Variants in ZNF827 observed in about 807,000 individuals in gnomAD.
The protein encoded by ZNF827 is zinc finger protein 827.
Under a neutral mutation model 102.4 loss-of-function variants are expected in ZNF827, and 13 were observed. That is an observed-to-expected ratio of 0.13 (90% CI 0.08 to 0.20). The LOEUF is 0.20. Ranked by LOEUF, ZNF827 falls within the 10% of genes least tolerant of loss-of-function variation. The pLI is 1.00. For synonymous variants in ZNF827, 523 were observed against 536.2 expected, an observed-to-expected ratio of 0.98 and a Z score of 0.34; for missense variants, 1,103 against 1,344.4, an observed-to-expected ratio of 0.82 and a Z score of 2.81.
intron 13 of ZNF827, 48 bp downstream of exon 13, chr4:145,764,940 G>C (rs1287574988): frequency 6.2e-7 from 1 of 1,607,882 alleles, no homozygotes; most frequent in Non-Finnish European, 8.5e-7. Context: ...AAGGGGAAAG[G>C]GTATTTAATA....
In ZNF827 at chr4:145,763,185, G is replaced by A. The variant is rs1159597870; in HGVS notation, c.3231-63C>T. 1 of 1,486,396 alleles carries A rather than the reference G, an allele frequency of 6.7e-7. No homozygotes were observed. Among genetic ancestry groups the A allele is most frequent in the African/African-American group, 1.4e-5 (1 of 71,564 alleles). The allele number at this position is 1,486,396 out of a possible 1,614,324, so 92.1% of individuals were successfully genotyped here. A position where few individuals can be genotyped will look rare whatever the true frequency, so the allele number is the denominator to read the frequency against. On this transcript the variant is annotated intron_variant, in intron 13 of 14. Coordinates refer to ENST00000508784, the MANE Select transcript of ZNF827 (RefSeq NM_001306215.2). The surrounding 1 kb of genome is among the most constrained non-coding windows in gnomAD (Gnocchi z 4.6). ...ATCTGCATTATGAACAGGATATAGA[G>A]TACAAGCAGTTCCATCACAGAAAAG...
intron 7 of ZNF827, among the ~76,000 whole-genome samples, chr4:145,827,817 A>G (rs923034022): frequency 6.6e-6 from 1 of 152,226 alleles, no homozygotes; most frequent in Non-Finnish European, 1.5e-5. Flanking sequence ...AACTAAGAAA[A>G]CAGAAGACAC....
intron 8 of ZNF827, among the ~76,000 whole-genome samples, chr4:145,796,623 C>CTTTTTTTTTT (rs34553120): frequency 8.8e-6 from 1 of 113,928 alleles, no homozygotes; most frequent in Non-Finnish European, 1.8e-5. Context: ...ATTTGTTCCT[C>CTTTTTTTTTT]TTTTTTTTTT....
intron 8 of ZNF827, among the ~76,000 whole-genome samples, chr4:145,809,414 T>C (rs1354486338): frequency 6.6e-6 from 1 of 152,180 alleles, no homozygotes; most frequent in East Asian, 1.9e-4. Flanking sequence ...GAATTTAGTT[T>C]ATAATTTAAC....
chr4:145,882,362 G>T (rs1014350409), intron 4 of ZNF827, among the ~76,000 whole-genome samples: 2 of 152,186 alleles, frequency 1.3e-5, no homozygotes, highest in African/African-American at 4.8e-5. Flanking sequence ...TGAATCAACT[G>T]CGATGCCGGG....
chr4:145,805,125 TTGTGTGTGTGTG>T (rs35536912), intron 8 of ZNF827, among the ~76,000 whole-genome samples: 22 of 148,376 alleles, frequency 1.5e-4, no homozygotes, highest in Admixed American at 5.4e-4. Context: ...GCAATTCCTT[TTGTGTGTGTGTG>T]TGTGTGTGTG....
rs140258436 is a variant in ZNF827, at chr4:145,919,364, T to G, written c.44-16149A>C. Among the ~76,000 whole-genome samples, 403 of 152,346 alleles carry G rather than the reference T, an allele frequency of 2.6e-3. 4 individuals are homozygous for G. Among genetic ancestry groups the G allele is most frequent in the African/African-American group, 9.4e-3 (389 of 41,568 alleles). ...CGTACTTGTTCAGATTTGTGGAAATTCACTGGACAGCCAAATCAAGAGAGT... is the reference window on the plus strand; with the variant it reads ...CGTACTTGTTCAGATTTGTGGAAATGCACTGGACAGCCAAATCAAGAGAGT... On this transcript the variant is annotated intron_variant, in intron 1 of 14. Coordinates refer to ENST00000508784, the MANE Select transcript of ZNF827 (RefSeq NM_001306215.2).
intron 9 of ZNF827, among the ~76,000 whole-genome samples, chr4:145,777,414 T>C (rs1293977154): frequency 6.6e-6 from 1 of 152,236 alleles, no homozygotes; most frequent in Non-Finnish European, 1.5e-5. Flanking sequence ...AGCGAAAATT[T>C]CTGGACCTGA....
In ZNF827 at chr4:145,765,438, C is replaced by A. The variant is rs4348116; in HGVS notation, c.3052+109G>T. On this transcript the variant is annotated intron_variant, in intron 12 of 14. Coordinates refer to ENST00000508784, the MANE Select transcript of ZNF827 (RefSeq NM_001306215.2). This position sits in a 1 kb window ranked among gnomAD's most constrained non-coding sequence, Gnocchi z 4.7. Reference sequence around the variant, plus strand: ...TAGGTGAGGCCCAGCATACTGCATCCTGGGCCTATTATCAGTTTTTGACAT... The same window carrying A: ...TAGGTGAGGCCCAGCATACTGCATCATGGGCCTATTATCAGTTTTTGACAT... 1 of 1,331,630 alleles carries A rather than the reference C, an allele frequency of 7.5e-7. No individual in the cohort carries two copies. The allele number at this position is 1,331,630 out of a possible 1,614,324, so 82.5% of individuals were successfully genotyped here.
intron 11 of ZNF827, among the ~76,000 whole-genome samples, chr4:145,771,352 T>C: frequency 6.6e-6 from 1 of 152,252 alleles, no homozygotes; most frequent in Non-Finnish European, 1.5e-5. Flanking sequence ...ATAAATATTC[T>C]ATTTTCTTCA....
At chr4:145,771,553 A>G (rs1736284605) in intron 11 of ZNF827, among the ~76,000 whole-genome samples, 1 of 152,238 alleles carries the variant, frequency 6.6e-6, no homozygotes, top group African/African-American at 2.4e-5. Context: ...ACCAAAGGGG[A>G]TATTTTCCCC....
chr4:145,918,751 C>T (rs2126955160), intron 1 of ZNF827, among the ~76,000 whole-genome samples: 1 of 152,254 alleles, frequency 6.6e-6, no homozygotes, highest in Admixed American at 6.5e-5. Flanking sequence ...CCTGCACAGC[C>T]CTGCTTTGTC....
chr4:145,917,541 C>CAAGAGAGT (rs1752744583), intron 1 of ZNF827, among the ~76,000 whole-genome samples: 1 of 151,956 alleles, frequency 6.6e-6, no homozygotes, highest in Non-Finnish European at 1.5e-5. Flanking sequence ...AAGGCCCCAT[C>CAAGAGAGT]TCTCAACACT....
chr4:145,798,534 C>T (rs578052610), intron 8 of ZNF827, among the ~76,000 whole-genome samples: 1 of 152,154 alleles, frequency 6.6e-6, no homozygotes, highest in South Asian at 2.1e-4. Context: ...GGTGTGGTGG[C>T]GTGTACCTGT....
chr4:145,845,088 T>C (rs1328501492), intron 7 of ZNF827, among the ~76,000 whole-genome samples: 1 of 152,224 alleles, frequency 6.6e-6, no homozygotes. Context: ...TTGCTCTTGA[T>C]CATCCTGTAA....
chr4:145,878,435 TG>T (rs1561031034), intron 4 of ZNF827, among the ~76,000 whole-genome samples: 1 of 151,964 alleles, frequency 6.6e-6, no homozygotes, highest in Non-Finnish European at 1.5e-5. Flanking sequence ...GGGCTGAGCA[TG>T]GTGGCCTGTG....
At chr4:145,923,178 A>C (rs1470199924) in intron 1 of ZNF827, among the ~76,000 whole-genome samples, 2 of 152,216 alleles carry the variant, frequency 1.3e-5, no homozygotes, top group Non-Finnish European at 2.9e-5. Context: ...AATCATTGCA[A>C]CTAATCTTTA....
At chr4:145,907,987 T>C (rs1175413529) in intron 1 of ZNF827, among the ~76,000 whole-genome samples, 2 of 152,162 alleles carry the variant, frequency 1.3e-5, no homozygotes, top group African/African-American at 4.8e-5. Flanking sequence ...TATAATTCAG[T>C]TCTCAAGCAG....
chr4:145,929,684 C>T (rs973187184), intron 1 of ZNF827, among the ~76,000 whole-genome samples: 7 of 152,008 alleles, frequency 4.6e-5, no homozygotes, highest in Non-Finnish European at 2.9e-5. Flanking sequence ...CCAAAAAGTT[C>T]CAGGTCAGAA....
Sources: allele counts gnomAD v4.1 joint callset (sites outside exome capture counted in the v4.1 genomes callset), GRCh38; gene constraint gnomAD v4.1.1; non-coding constraint Gnocchi (gnomAD v3.1); transcripts MANE v1.5; gene names NCBI Gene and HGNC (gene_info 2026-07-23, HGNC 2026-07-21).